BRWD1: variants seen among roughly 807,000 people sequenced by gnomAD.
BRWD1 encodes bromodomain and WD repeat domain containing 1.
In BRWD1, 82 loss-of-function variants were observed where a neutral mutation model predicts 251.2. The ratio of observed to expected loss-of-function variants is 0.33; its 90% CI spans 0.27 to 0.39. The LOEUF (loss-of-function observed/expected upper bound fraction) is 0.39. Ranked by LOEUF, BRWD1 falls within the 10% of genes least tolerant of loss-of-function variation. The pLI, the probability that BRWD1 is intolerant of heterozygous loss-of-function variation, is 1.00. For missense variants in BRWD1, 2,233 were observed against 2,711.6 expected (o/e 0.82, Z 3.92); for synonymous variants, 918 against 902.8 (o/e 1.02, Z -0.30).
At chr21:39,312,680 A>C in intron 4 of BRWD1, 161 bp downstream of exon 4, 1 of 450,328 alleles carries the variant, frequency 2.2e-6, no homozygotes, top group Non-Finnish European at 4.0e-6. Flanking sequence ...CCGCCTCAAA[A>C]ACAAAACAAA....
At chr21:39,261,305 C>T (rs2034736787) in intron 17 of BRWD1, among the ~76,000 whole-genome samples, 1 of 152,150 alleles carries the variant, frequency 6.6e-6, no homozygotes, top group Non-Finnish European at 1.5e-5. Context: ...TATAAAAAAG[C>T]AGTTGCACAA....
In BRWD1 at chr21:39,264,335, AT is replaced by A. The variant is rs906006557; in HGVS notation, c.1885+124del. ...GTTCAAAACAATACACAGAAAAAAAATAATAAAACAAATATTGCAAAATATT... is the reference window on the plus strand; with the variant it reads ...GTTCAAAACAATACACAGAAAAAAAAAATAAAACAAATATTGCAAAATATT... On this transcript the variant is annotated intron_variant, in intron 17 of 40. Transcript: ENST00000342449. 11 of 659,990 alleles carry A rather than the reference AT, an allele frequency of 1.7e-5. No individual in the cohort carries two copies. In the Admixed American group the frequency reaches 2.2e-4, roughly 13 times the overall value. 40.9% of individuals were successfully genotyped at this position (659,990 alleles called of 1,614,324 possible). A position where few individuals can be genotyped will look rare whatever the true frequency, so the allele number is the denominator to read the frequency against.
chr21:39,304,848 A>G (rs73359579), intron 4 of BRWD1, among the ~76,000 whole-genome samples: 2,178 of 152,244 alleles, frequency 0.014, 48 homozygotes, highest in African/African-American at 0.05. Flanking sequence ...GCATTTTCTA[A>G]TATTTAAGGT....
At chr21:39,270,957 G>A (rs558213736) in intron 13 of BRWD1, among the ~76,000 whole-genome samples, 149 of 152,250 alleles carry the variant, frequency 9.8e-4, no homozygotes, top group Non-Finnish European at 1.9e-3. Context: ...TGGCAAGAAC[G>A]GTCTTGGATA....
chr21:39,301,095 C>T (rs1423715071), intron 4 of BRWD1, among the ~76,000 whole-genome samples: 3 of 150,870 alleles, frequency 2.0e-5, no homozygotes, highest in African/African-American at 4.9e-5. Context: ...AGGAGAATGG[C>T]GTGAACCCAG....
At chr21:39,225,623 A>ACT (rs2033351810) in intron 27 of BRWD1, among the ~76,000 whole-genome samples, 1 of 152,204 alleles carries the variant, frequency 6.6e-6, no homozygotes, top group African/African-American at 2.4e-5. Context: ...TTTTATAGAA[A>ACT]TAATCAAAAT....
At chr21:39,314,255 G>A (rs1220900007), upstream of BRWD1, 2 of 455,578 alleles carry the variant, frequency 4.4e-6, no homozygotes, top group Non-Finnish European at 8.8e-6. Flanking sequence ...TGGCGTTGCC[G>A]GAGCGTCTGC....
rs1469305356 is a variant in BRWD1 at position 39,189,804 on chromosome 21, A to T, written c.*6455T>A. ...AATATATATAGGATATTTCAGGGTT[A>T]GAAGTCAAATTTGTGTGTTAGGGTA... is the stretch of plus-strand genomic sequence containing the variant. On this transcript the variant is annotated 3_prime_UTR_variant, in exon 41 of 41. Transcript: ENST00000342449. 1.0e-6 allele frequency: 1 copy of T among 985,204 alleles called. No individual in the cohort carries two copies. The highest frequency in any genetic ancestry group is 1.1e-4 in the East Asian group (1 of 8,822). 61.0% of individuals were successfully genotyped at this position (985,204 alleles called of 1,614,324 possible). A position where few individuals can be genotyped will look rare whatever the true frequency, so the allele number is the denominator to read the frequency against.
intron 4 of BRWD1, among the ~76,000 whole-genome samples, chr21:39,299,205 A>C (rs1326618407): frequency 1.3e-5 from 2 of 151,622 alleles, no homozygotes; most frequent in Non-Finnish European, 2.9e-5. Context: ...CCTGGGCAAC[A>C]AGAAAAAAAT....
Position 39,261,418 on chromosome 21 carries a change from A to G in BRWD1, c.1886-2746T>C, listed in dbSNP as rs558098444. Among the ~76,000 whole-genome samples the G allele has an allele frequency of 4.6e-5, 7 of 152,326 alleles. No individual in the cohort carries two copies. The South Asian group carries it at 1.5e-3, about 32-fold the overall frequency. Reference sequence around the variant, plus strand: ...TACACTTCCAGTTTTAATACCTAGAATAGTAAAAAGACATGTATTCATGTG... The same window carrying G: ...TACACTTCCAGTTTTAATACCTAGAGTAGTAAAAAGACATGTATTCATGTG... On this transcript the variant is annotated intron_variant, in intron 17 of 40. Coordinates refer to ENST00000342449, the MANE Select transcript of BRWD1 (RefSeq NM_033656.4).
intron 21 of BRWD1, among the ~76,000 whole-genome samples, chr21:39,240,312 G>A (rs984043808): frequency 6.6e-5 from 10 of 152,142 alleles, no homozygotes; most frequent in Non-Finnish European, 1.5e-4. Flanking sequence ...TATTATAATG[G>A]TGGATACATG....
chr21:39,195,219 G>A lies in BRWD1; in HGVS notation c.*1040C>T. 1 of 1,033,738 alleles carries A rather than the reference G, an allele frequency of 9.7e-7. No homozygotes were observed. Among genetic ancestry groups the A allele is most frequent in the Admixed American group, 5.3e-5 (1 of 19,034 alleles). The allele number at this position is 1,033,738 out of a possible 1,614,324, so 64.0% of individuals were successfully genotyped here. A position where few individuals can be genotyped will look rare whatever the true frequency, so the allele number is the denominator to read the frequency against. ...AAGCAGTAAACTAAAACAAAGAGAT[G>A]GAGAATGACATTTAGCTATTTTCCT... On this transcript the variant is annotated 3_prime_UTR_variant, in exon 41 of 41. Coordinates refer to ENST00000342449, the MANE Select transcript of BRWD1 (RefSeq NM_033656.4).
At position 39,192,556 on chromosome 21, in the gene BRWD1, G is replaced by T; in HGVS notation, c.*3703C>A. The T allele has an allele frequency of 1.0e-6, 1 of 984,180 alleles. No individual in the cohort carries two copies. Among genetic ancestry groups the T allele is most frequent in the South Asian group, 4.7e-5 (1 of 21,270 alleles). The allele number at this position is 984,180 out of a possible 1,614,324, so 61.0% of individuals were successfully genotyped here. A position where few individuals can be genotyped will look rare whatever the true frequency, so the allele number is the denominator to read the frequency against. On this transcript the variant is annotated 3_prime_UTR_variant, in exon 41 of 41. Coordinates refer to ENST00000342449, the MANE Select transcript of BRWD1 (RefSeq NM_033656.4). ...TGCACTCTATCACATTAAAATAATT[G>T]AACTATAATTTCCATACAACATAAG...
At chr21:39,294,131 T>C (rs2035888507) in intron 7 of BRWD1, 99 bp from the exon 8 acceptor site, 1 of 901,262 alleles carries the variant, frequency 1.1e-6, no homozygotes, top group African/African-American at 1.7e-5. Flanking sequence ...CTTTAACTCT[T>C]TCCAACTATA....
intron 40 of BRWD1, 124 bp downstream of exon 40, chr21:39,198,639 G>A (rs1246386269): frequency 4.1e-6 from 3 of 729,412 alleles, no homozygotes; most frequent in Admixed American, 3.0e-5. Context: ...TGCATGGGAG[G>A]GAGAGAAACA....
intron 13 of BRWD1, among the ~76,000 whole-genome samples, chr21:39,272,653 G>T (rs1162008847): frequency 6.6e-6 from 1 of 150,714 alleles, no homozygotes; most frequent in Non-Finnish European, 1.5e-5. Flanking sequence ...TGTCGCCCAG[G>T]CTGGGGTGTA....
At chr21:39,262,643 T>C (rs902882793) in intron 17 of BRWD1, among the ~76,000 whole-genome samples, 4 of 150,600 alleles carry the variant, frequency 2.7e-5, no homozygotes, top group African/African-American at 9.8e-5. Flanking sequence ...TGAACCCGGG[T>C]GGCGGAGGTT....
intron 10 of BRWD1, among the ~76,000 whole-genome samples, chr21:39,278,032 A>T (rs2035332810): frequency 6.6e-6 from 1 of 151,540 alleles, no homozygotes. Flanking sequence ...GTTTTTTTTT[A>T]GAGATGGGTT....
At chr21:39,266,201 C>T (rs763135317) in intron 15 of BRWD1, among the ~76,000 whole-genome samples, 10 of 151,754 alleles carry the variant, frequency 6.6e-5, no homozygotes, top group Non-Finnish European at 1.5e-4. Flanking sequence ...AATTAGCAAA[C>T]GTGGAAAAAA....
Sources: allele counts gnomAD v4.1 joint callset (sites outside exome capture counted in the v4.1 genomes callset), GRCh38; gene constraint gnomAD v4.1.1; transcripts MANE v1.5; gene names NCBI Gene and HGNC (gene_info 2026-07-23, HGNC 2026-07-21).